TJP1: variants seen among roughly 807,000 people sequenced by gnomAD.
TJP1 encodes the protein tight junction protein 1.
TJP1 carries 43 observed loss-of-function variants against 194.2 expected under a neutral mutation model. That is an observed-to-expected ratio of 0.22 (90% CI 0.17 to 0.29). The LOEUF (loss-of-function observed/expected upper bound fraction) is 0.29, where lower values mean the gene tolerates loss of function less well. Ranked by LOEUF, TJP1 falls within the 10% of genes least tolerant of loss-of-function variation. The pLI is 1.00. For missense variants in TJP1, 1,971 were observed against 2,185.7 expected (o/e 0.90, Z 1.96); for synonymous variants, 801 against 779.0 (o/e 1.03, Z -0.47).
intron 2 of TJP1, among the ~76,000 whole-genome samples, chr15:29,949,604 TCCACCTTCAC>T (rs2055524035): frequency 4.4e-4 from 13 of 29,714 alleles, no homozygotes; most frequent in Non-Finnish European, 7.8e-4. Context: ...AACCACCACC[TCCACCTTCAC>T]CACCACCACC....
intron 8 of TJP1, among the ~76,000 whole-genome samples, chr15:29,745,489 G>C (rs776675550): frequency 6.6e-6 from 1 of 152,106 alleles, no homozygotes; most frequent in Admixed American, 6.6e-5. Context: ...GGAAGCCTTT[G>C]CAAGTAGGAT....
At chr15:29,738,317 G>A (rs1566930338) in intron 10 of TJP1, among the ~76,000 whole-genome samples, 1 of 151,924 alleles carries the variant, frequency 6.6e-6, no homozygotes, top group Non-Finnish European at 1.5e-5. Context: ...TCTTTATTAT[G>A]TAATACTAAC....
intron 2 of TJP1, among the ~76,000 whole-genome samples, chr15:29,885,466 C>T (rs918455124): frequency 6.6e-6 from 1 of 152,234 alleles, no homozygotes; most frequent in African/African-American, 2.4e-5. Context: ...GCTCCTTTTC[C>T]TCTTCCTACT....
intron 8 of TJP1, among the ~76,000 whole-genome samples, chr15:29,744,979 A>G (rs1394896164): frequency 6.6e-6 from 1 of 152,192 alleles, no homozygotes; most frequent in Non-Finnish European, 1.5e-5. Context: ...CAAGGGTGCA[A>G]GATTAGTTCG....
chr15:29,745,460 T>G (rs982206405), intron 8 of TJP1, among the ~76,000 whole-genome samples: 1 of 152,174 alleles, frequency 6.6e-6, no homozygotes, highest in Non-Finnish European at 1.5e-5. Flanking sequence ...CATTAAACAT[T>G]CTAAAACTTT....
intron 2 of TJP1, among the ~76,000 whole-genome samples, chr15:29,865,473 G>C (rs1258121676): frequency 2.0e-5 from 3 of 152,174 alleles, no homozygotes; most frequent in Non-Finnish European, 4.4e-5. Flanking sequence ...TACAAGGAAG[G>C]AAAGTTGCCA....
At chr15:29,782,531 C>T (rs2047429054) in intron 2 of TJP1, among the ~76,000 whole-genome samples, 1 of 152,074 alleles carries the variant, frequency 6.6e-6, no homozygotes, top group African/African-American at 2.4e-5. Context: ...TTATACCATA[C>T]ATAGAAATCA....
At chr15:29,962,642 CT>C (rs2056200246) in intron 1 of TJP1, among the ~76,000 whole-genome samples, 2 of 152,178 alleles carry the variant, frequency 1.3e-5, no homozygotes, top group Admixed American at 1.3e-4. Context: ...TGAGACACTG[CT>C]AAGTACAGAA....
chr15:29,723,822 T>G (rs1278240743), intron 18 of TJP1, among the ~76,000 whole-genome samples: 1 of 152,170 alleles, frequency 6.6e-6, no homozygotes, highest in Non-Finnish European at 1.5e-5. Flanking sequence ...GAGAAGTATT[T>G]GAGGGAAAGG....
At chr15:29,900,952 T>G (rs1231269954) in intron 2 of TJP1, among the ~76,000 whole-genome samples, 3 of 152,114 alleles carry the variant, frequency 2.0e-5, no homozygotes, top group Admixed American at 2.0e-4. Context: ...AGGGAATGAT[T>G]GACTCAGAGG....
intron 2 of TJP1, among the ~76,000 whole-genome samples, chr15:29,877,637 C>G (rs1054181567): frequency 6.8e-6 from 1 of 147,864 alleles, no homozygotes; most frequent in Non-Finnish European, 1.5e-5. Flanking sequence ...CTTCTTTCTT[C>G]TTCTCTTTCT....
intron 2 of TJP1, among the ~76,000 whole-genome samples, chr15:29,833,883 T>TATATA (rs1451785597): frequency 4.1e-4 from 4 of 9,830 alleles, no homozygotes; most frequent in Non-Finnish European, 4.4e-4. Context: ...ATATATATAT[T>TATATA]TTTTTTTTTT....
At chr15:29,810,166 G>A (rs1014806765) in intron 1 of TJP1, among the ~76,000 whole-genome samples, 3 of 152,104 alleles carry the variant, frequency 2.0e-5, no homozygotes, top group Non-Finnish European at 4.4e-5. Context: ...TGTACTAACA[G>A]ATGAAAAGAT....
At chr15:29,928,864 C>T (rs2054611603) in intron 2 of TJP1, among the ~76,000 whole-genome samples, 2 of 152,058 alleles carry the variant, frequency 1.3e-5, no homozygotes, top group African/African-American at 4.8e-5. Flanking sequence ...ATGGCGTGAA[C>T]CCAGGAGGCG....
rs141655059 is a variant in TJP1 at position 29,814,371 on chromosome 15, AG to A, written c.27+7630del. On this transcript the variant is annotated intron_variant, in intron 1 of 27. Transcript: ENST00000614355. ...TAGCAGTTGAAAACTGTAAATTTCT[AG>A]GATCGGGATCCCAAACAAAATGTAC... Among the ~76,000 whole-genome samples the A allele has an allele frequency of 4.8e-3, 730 of 152,346 alleles. 30 individuals are homozygous for A. The East Asian group carries it at 0.097, about 20-fold the overall frequency.
At chr15:29,934,825 T>C (rs1420294533) in intron 2 of TJP1, among the ~76,000 whole-genome samples, 1 of 152,248 alleles carries the variant, frequency 6.6e-6, no homozygotes, top group Non-Finnish European at 1.5e-5. Flanking sequence ...ATGAGTAGTG[T>C]GAAGGGTTGA....
chr15:29,932,440 C>G (rs1159955239), intron 2 of TJP1, among the ~76,000 whole-genome samples: 1 of 152,016 alleles, frequency 6.6e-6, no homozygotes, highest in Non-Finnish European at 1.5e-5. Flanking sequence ...TTGAAAATAA[C>G]AAAGCAATCT....
chr15:29,890,613 A>G (rs2053272339), intron 2 of TJP1, among the ~76,000 whole-genome samples: 1 of 152,162 alleles, frequency 6.6e-6, no homozygotes, highest in African/African-American at 2.4e-5. Flanking sequence ...TCCTAATGAA[A>G]TCCTAGGACA....
chr15:29,892,624 G>A (rs2053349631), intron 2 of TJP1, among the ~76,000 whole-genome samples: 1 of 152,160 alleles, frequency 6.6e-6, no homozygotes. Context: ...AAATCCTAGG[G>A]CCCTTAAGAA....
Sources: gnomAD v4.1 joint callset for allele counts (sites outside exome capture counted in the v4.1 genomes callset) on GRCh38, gnomAD v4.1.1 for gene constraint, MANE v1.5 for transcripts, NCBI Gene and HGNC (gene_info 2026-07-23, HGNC 2026-07-21) for gene names.